Variants in SEC23IP observed in about 807,000 individuals in gnomAD.
SEC23IP encodes SEC23 interacting protein, also known as SEC23-interacting protein.
SEC23IP carries 70 observed loss-of-function variants against 113.4 expected under a neutral mutation model. The ratio of observed to expected loss-of-function variants is 0.62; its 90% CI spans 0.51 to 0.75. The LOEUF (loss-of-function observed/expected upper bound fraction) is 0.75. SEC23IP is among the 30% of genes least tolerant of loss of function. SEC23IP has a pLI of 0.00. For missense variants in SEC23IP, 1,160 were observed against 1,204.9 expected (o/e 0.96, Z 0.55); for synonymous variants, 398 against 421.0 (o/e 0.95, Z 0.67).
Position 119,926,109 on chromosome 10 carries a change from C to G in SEC23IP, c.2195C>G (p.Thr732Ser). 2.5e-6 allele frequency: 4 copies of G among 1,614,158 alleles called. No homozygotes were observed. The highest frequency in any genetic ancestry group is 3.4e-6 in the Non-Finnish European group (4 of 1,180,020). ...TKGQEQSAQKTKDMASLPSES... is the reference protein window; with the variant it reads ...TKGQEQSAQKSKDMASLPSES... ...GGACAAGAGCAAAGTGCCCAGAAGA[C>G]TAAAGACATGGCTTCCCTCCCCTCA... The change falls in exon 13 of 19, where the codon ACT becomes AGT. Residue 732 changes from threonine to serine, a missense_variant. By Grantham distance (58) the Thr-to-Ser change is moderately conservative (BLOSUM62 1). Transcript: ENST00000369075.
rs568204832 is a variant in SEC23IP, at chr10:119,911,642, ATTTTTAAGTT to A, written c.1192-399_1192-390del. ...AGGCATGCACTACCATGCCTGGCTA[ATTTTTAAGTT>A]TTCTGTGGAGATGGGTCTCACCATA... is the stretch of plus-strand genomic sequence containing the variant. On this transcript the variant is annotated intron_variant, in intron 5 of 18. Transcript: ENST00000369075. Among the ~76,000 whole-genome samples the A allele has an allele frequency of 5.3e-5, 8 of 151,976 alleles. No individual in the cohort carries two copies. In the South Asian group the frequency reaches 1.7e-3, roughly 32 times the overall value.
intron 10 of SEC23IP, 84 bp from the exon 11 acceptor site, chr10:119,919,360 T>C (rs566931731): frequency 7.9e-7 from 1 of 1,265,668 alleles, no homozygotes; most frequent in East Asian, 2.3e-5. Flanking sequence ...AAAGCAAAAT[T>C]GTTTGAGAGT....
At chr10:119,894,473 A>G (rs932567899) in intron 1 of SEC23IP, among the ~76,000 whole-genome samples, 15 of 152,334 alleles carry the variant, frequency 9.8e-5, no homozygotes, top group African/African-American at 3.6e-4. Context: ...CTGCACTAGG[A>G]TGTAAGACCA....
intron 6 of SEC23IP, 119 bp downstream of exon 6, chr10:119,912,283 C>T: frequency 2.0e-6 from 2 of 1,019,922 alleles, no homozygotes; most frequent in African/African-American, 1.6e-5. Context: ...AGCCATTGCA[C>T]CACCACTCCC....
At position 119,932,293 on chromosome 10, in the gene SEC23IP, A is replaced by T. The variant is rs369255142; in HGVS notation, c.2733A>T (p.Glu911Asp). 7 of 1,611,386 alleles carry T rather than the reference A, an allele frequency of 4.3e-6. No homozygotes were observed. In the African/African-American group the frequency reaches 9.3e-5, roughly 22 times the overall value. ...ELEKVANQIK[E>D]EEEKQVVEAE... ...AGAAGGTGGCCAATCAGATCAAAGA[A>T]GAAGAAGAAAAGCAAGTAGTTGAAG... The change falls in exon 16 of 19, where the codon GAA (glutamate) becomes GAT (aspartate). Residue 911 changes from glutamate (E) to aspartate (D), a missense_variant. Coordinates refer to ENST00000369075, the MANE Select transcript of SEC23IP (RefSeq NM_007190.4).
intron 2 of SEC23IP, 30 bp from the exon 3 acceptor site, chr10:119,902,769 T>C: frequency 6.3e-7 from 1 of 1,588,450 alleles, no homozygotes; most frequent in Non-Finnish European, 8.6e-7. Flanking sequence ...TGGACAAGCA[T>C]GACAGTCTTA....
At chr10:119,909,592 A>G (rs1000490376) in intron 5 of SEC23IP, among the ~76,000 whole-genome samples, 5 of 152,064 alleles carry the variant, frequency 3.3e-5, no homozygotes, top group Admixed American at 3.3e-4. Context: ...CCTCGTCTCA[A>G]AATAAAAAGT....
intron 6 of SEC23IP, among the ~76,000 whole-genome samples, chr10:119,913,846 A>G (rs1379370013): frequency 6.6e-6 from 1 of 151,910 alleles, no homozygotes; most frequent in East Asian, 1.9e-4. Context: ...CCCTTCGTCA[A>G]AAACTTTATT....
chr10:119,911,840 C>T (rs1265167874), intron 5 of SEC23IP, among the ~76,000 whole-genome samples: 1 of 152,094 alleles, frequency 6.6e-6, no homozygotes, highest in African/African-American at 2.4e-5. Flanking sequence ...TCAACATAAG[C>T]ATTGGAAAGG....
chr10:119,927,810 A>G (rs541356912), intron 13 of SEC23IP, among the ~76,000 whole-genome samples: 1 of 152,272 alleles, frequency 6.6e-6, no homozygotes, highest in East Asian at 1.9e-4. Context: ...AGTGATGAAC[A>G]TTTTAAAGCC....
chr10:119,923,272 T>C (rs1855308493), intron 12 of SEC23IP, among the ~76,000 whole-genome samples: 1 of 152,068 alleles, frequency 6.6e-6, no homozygotes, highest in African/African-American at 2.4e-5. Flanking sequence ...ACCATGAAAC[T>C]TTCTCAGCTG....
chr10:119,914,273 A>G (rs1206908223), intron 6 of SEC23IP, among the ~76,000 whole-genome samples: 1 of 152,186 alleles, frequency 6.6e-6, no homozygotes, highest in Non-Finnish European at 1.5e-5. Context: ...CTGTACTATT[A>G]CTTAAGAATG....
At chr10:119,911,999 A>G in intron 5 of SEC23IP, 45 bp from the exon 6 acceptor site, 3 of 1,610,294 alleles carry the variant, frequency 1.9e-6, no homozygotes, top group Non-Finnish European at 2.5e-6. Context: ...GTAGTGGAAA[A>G]GAATTTGTTA....
Position 119,898,623 on chromosome 10 carries a change from C to G in SEC23IP, c.360C>G (p.Leu120=), listed in dbSNP as rs1177534395. 9 of 1,614,120 alleles carry G rather than the reference C, an allele frequency of 5.6e-6. No homozygotes were observed. The highest frequency in any genetic ancestry group is 7.6e-6 in the Non-Finnish European group (9 of 1,180,056). The part of the protein sequence containing the change: ...QSGFPKPLTA[L]PFTTGSQDVS... ...GATTCCCCAAGCCCCTGACTGCTCT[C>G]CCTTTTACAACTGGATCCCAAGATG... The change falls in exon 2 of 19, where the codon CTC becomes CTG. Residue 120 remains leucine, a synonymous_variant. Transcript: ENST00000369075.
chr10:119,920,839 G>A, intron 11 of SEC23IP, 50 bp from the exon 12 acceptor site: 1 of 1,235,436 alleles, frequency 8.1e-7, no homozygotes, highest in South Asian at 1.3e-5. Context: ...TCTCATTTCA[G>A]TTCTTCTATC....
chr10:119,893,324 C>T (rs139918210), intron 1 of SEC23IP, among the ~76,000 whole-genome samples: 1 of 151,932 alleles, frequency 6.6e-6, no homozygotes, highest in East Asian at 1.9e-4. Context: ...TCCTAGGATA[C>T]GGTAAGATAC....
At chr10:119,920,859 A>T in intron 11 of SEC23IP, 30 bp from the exon 12 acceptor site, 1 of 1,411,482 alleles carries the variant, frequency 7.1e-7, no homozygotes, top group Non-Finnish European at 1.0e-6. Flanking sequence ...CACTAGATTG[A>T]TTAATGTGCT....
chr10:119,923,001 A>AT (rs936598384), intron 12 of SEC23IP, among the ~76,000 whole-genome samples: 5 of 71,726 alleles, frequency 7.0e-5, no homozygotes, highest in Non-Finnish European at 1.4e-4. Context: ...GCAAAAGCCT[A>AT]TAAAAAAAAA....
At chr10:119,899,966 C>G (rs1417999936) in intron 2 of SEC23IP, among the ~76,000 whole-genome samples, 1 of 151,954 alleles carries the variant, frequency 6.6e-6, no homozygotes, top group Non-Finnish European at 1.5e-5. Flanking sequence ...CATATGTGAG[C>G]CCTCCCTCTT....
Sources: allele counts gnomAD v4.1 joint callset (sites outside exome capture counted in the v4.1 genomes callset), GRCh38; gene constraint gnomAD v4.1.1; transcripts MANE v1.5; gene names NCBI Gene and HGNC (gene_info 2026-07-23, HGNC 2026-07-21).